RNASE11: variants seen among roughly 807,000 people sequenced by gnomAD.
The protein encoded by RNASE11 is ribonuclease A family member 11 (inactive), also known as putative inactive ribonuclease 11.
For synonymous variants in RNASE11, 105 were observed against 86.1 expected, an observed-to-expected ratio of 1.22 and a Z score of -1.21; for missense variants, 252 against 237.8, an observed-to-expected ratio of 1.06 and a Z score of -0.39.
At chr14:20,589,624 C>G (rs948410858), upstream of RNASE11, among the ~76,000 whole-genome samples, 2 of 151,862 alleles carry the variant, frequency 1.3e-5, no homozygotes, top group South Asian at 4.2e-4. Flanking sequence ...CAGTGGCTCA[C>G]GCCTGTTATC....
At chr14:20,588,405 T>A (rs1594473809), upstream of RNASE11, 1 of 152,340 alleles carries the variant, frequency 6.6e-6, no homozygotes, top group East Asian at 1.9e-4. Flanking sequence ...GAGTTAGTAG[T>A]CCGGCTCAAA....
At chr14:20,584,269 T>C in exon 2 of RNASE11, 1 of 1,614,224 alleles carries the variant, frequency 6.2e-7, no homozygotes, top group South Asian at 1.1e-5. Context: ...AGACATATCA[T>C]CCTTGGACAT....
chr14:20,587,551 G>C lies in RNASE11; in HGVS notation c.-23+12C>G. The C allele has an allele frequency of 8.1e-6, 8 of 985,190 alleles. No homozygotes were observed. Among genetic ancestry groups the C allele is most frequent in the Non-Finnish European group, 9.6e-6 (8 of 829,752 alleles). 61.0% of individuals were successfully genotyped at this position (985,190 alleles called of 1,614,324 possible). A position where few individuals can be genotyped will look rare whatever the true frequency, so the allele number is the denominator to read the frequency against. On this transcript the variant is annotated intron_variant, in intron 1 of 1. Transcript: ENST00000553849. ...CCAAGGCCCAACAAATCATGTGCTA[G>C]GGACCACCTACCTGTTCCTGTTCAG...
chr14:20,589,388 G>A (rs1452939153), upstream of RNASE11, among the ~76,000 whole-genome samples: 1 of 151,560 alleles, frequency 6.6e-6, no homozygotes, highest in Non-Finnish European at 1.5e-5. Context: ...GGAGTAGCTG[G>A]GACTATAGGC....
intron 1 of RNASE11, 46 bp from the exon 3 acceptor site, chr14:20,584,542 AG>A: frequency 6.8e-7 from 1 of 1,465,802 alleles, no homozygotes; most frequent in Non-Finnish European, 9.1e-7. Flanking sequence ...AAGATTAAAG[AG>A]GTAGTTCTTT....
At chr14:20,584,483 TA>T (rs1252497774) in exon 2 of RNASE11, 7 of 1,564,264 alleles carry the variant, frequency 4.5e-6, no homozygotes, top group Admixed American at 2.0e-5. Flanking sequence ...ATCTCAGATG[TA>T]GTGTAATCTC....
chr14:20,584,982 A>C, intron 1 of RNASE11: 1 of 763,468 alleles, frequency 1.3e-6, no homozygotes, highest in Non-Finnish European at 1.6e-6. Flanking sequence ...CCCATCTCTC[A>C]TTTCTTTTGC....
upstream of RNASE11, among the ~76,000 whole-genome samples, chr14:20,589,079 G>A (rs970915948): frequency 2.6e-5 from 4 of 151,958 alleles, no homozygotes; most frequent in South Asian, 4.1e-4. Flanking sequence ...GAGCCACCAC[G>A]CCTGGCCAGA....
rs777669232 is a variant in RNASE11, at chr14:20,583,833, G to A, written c.*42C>T. 1.5e-5 allele frequency: 23 copies of A among 1,533,384 alleles called. 1 individual carries two copies. The Admixed American group carries it at 3.9e-4, about 26-fold the overall frequency. 95.0% of individuals were successfully genotyped at this position (1,533,384 alleles called of 1,614,324 possible). A position where few individuals can be genotyped will look rare whatever the true frequency, so the allele number is the denominator to read the frequency against. ...TTTAAACAAGAATGAACAAGAAGAG[G>A]TCCTTCTTTAGTAAGACCCTAGTCC... On this transcript the variant is annotated 3_prime_UTR_variant, in exon 2 of 2. Transcript: ENST00000553849.
rs149762779 is a variant in RNASE11 at position 20,584,090 on chromosome 14, G to A, written c.385C>T (p.Arg129Cys). 630 of 1,614,158 alleles carry A rather than the reference G, an allele frequency of 3.9e-4. No individual in the cohort carries two copies. Among genetic ancestry groups the A allele is most frequent in the East Asian group, 5.6e-4 (25 of 44,890 alleles). Reference sequence around the variant, plus strand: ...CAGCTGGGGGCCCTGTGGACCCTGCGCATCACTTCTGTGGAGCTGCGGATG... The same window carrying A: ...CAGCTGGGGGCCCTGTGGACCCTGCACATCACTTCTGTGGAGCTGCGGATG... The change falls in exon 2 of 2, where the codon CGC becomes TGC. Residue 129 changes from arginine (R) to cysteine (C), a missense_variant. Coordinates refer to ENST00000553849, the Ensembl canonical transcript of RNASE11.
At chr14:20,584,169 T>C (rs1171455597) in exon 2 of RNASE11, 1 of 1,614,224 alleles carries the variant, frequency 6.2e-7, no homozygotes, top group Admixed American at 1.7e-5. Flanking sequence ...TTCTCCAGAC[T>C]GTCATGTCAT....
intron 1 of RNASE11, chr14:20,584,917 G>A: frequency 4.4e-6 from 1 of 225,086 alleles, no homozygotes; most frequent in Non-Finnish European, 7.4e-6. Context: ...GCCTCATATA[G>A]AACCTGGCAC....
chr14:20,589,318 G>C (rs1405693270), upstream of RNASE11, among the ~76,000 whole-genome samples: 1 of 149,410 alleles, frequency 6.7e-6, no homozygotes, highest in South Asian at 2.1e-4. Flanking sequence ...GCAGTGGCGC[G>C]ATCTCGGCTC....
At chr14:20,584,771 T>A (rs1316811390) in intron 1 of RNASE11, among the ~76,000 whole-genome samples, 2 of 152,114 alleles carry the variant, frequency 1.3e-5, no homozygotes. Flanking sequence ...GGTGACATGT[T>A]TAAAGATCTA....
At chr14:20,590,146 G>A, upstream of RNASE11, 2 of 1,459,380 alleles carry the variant, frequency 1.4e-6, no homozygotes, top group Non-Finnish European at 1.8e-6. Flanking sequence ...ATACAGGAAG[G>A]ATAAATTAAT....
chr14:20,585,408 C>G (rs1429188730), intron 1 of RNASE11, among the ~76,000 whole-genome samples: 1 of 152,168 alleles, frequency 6.6e-6, no homozygotes, highest in Non-Finnish European at 1.5e-5. Context: ...TCCAGTTAGT[C>G]AATTCATGTT....
chr14:20,584,050 T>A (rs1330667481), exon 2 of RNASE11: 4 of 1,614,092 alleles, frequency 2.5e-6, no homozygotes, highest in Non-Finnish European at 3.4e-6. Flanking sequence ...TATGCCAGGA[T>A]TCTGTACAAA....
At chr14:20,587,531 G>T (rs1039878451) in intron 1 of RNASE11, 32 bp downstream of exon 2, 1 of 981,106 alleles carries the variant, frequency 1.0e-6, no homozygotes, top group African/African-American at 1.8e-5. Context: ...TGCTACCAAG[G>T]CCCAACAAAT....
In RNASE11 at chr14:20,583,900, C is replaced by T; in HGVS notation, c.575G>A (p.Trp192Ter). Residue 192 changes from tryptophan (W) to a stop codon, truncating the protein, a stop_gained, in exon 2 of 2, where the codon TGG becomes TAG. Transcript: ENST00000553849. LOFTEE classifies it high-confidence loss of function. ...TTACAACTTAGAGCCACAAACTAACCAGCTCATCAGAGAATGACCTGTCAG... is the reference window on the plus strand; with the variant it reads ...TTACAACTTAGAGCCACAAACTAACTAGCTCATCAGAGAATGACCTGTCAG... The T allele has an allele frequency of 6.2e-7, 1 of 1,611,876 alleles. No individual in the cohort carries two copies. Among genetic ancestry groups the T allele is most frequent in the Non-Finnish European group, 8.5e-7 (1 of 1,178,718 alleles).
Sources: gnomAD v4.1 joint callset for allele counts (sites outside exome capture counted in the v4.1 genomes callset) on GRCh38, gnomAD v4.1.1 for gene constraint, MANE v1.5 for transcripts, NCBI Gene and HGNC (gene_info 2026-07-23, HGNC 2026-07-21) for gene names.